Variants in GBE1 observed in about 807,000 individuals in gnomAD.
GBE1 encodes the protein 1,4-alpha-glucan-branching enzyme.
GBE1 carries 70 observed loss-of-function variants against 88.8 expected under a neutral mutation model. The observed-to-expected ratio is 0.79, with a 90% CI of 0.65 to 0.96. The LOEUF (loss-of-function observed/expected upper bound fraction) is 0.96, where lower values mean the gene tolerates loss of function less well. GBE1 is among the 40% of genes least tolerant of loss of function. The pLI is 0.00. For missense variants in GBE1, 872 were observed against 871.0 expected, an observed-to-expected ratio of 1.00 and a Z score of -0.01; for synonymous variants, 284 against 300.1, an observed-to-expected ratio of 0.95 and a Z score of 0.56.
intron 7 of GBE1, among the ~76,000 whole-genome samples, chr3:81,637,277 A>G (rs1704604661): frequency 6.6e-6 from 1 of 152,190 alleles, no homozygotes; most frequent in South Asian, 2.1e-4. Flanking sequence ...GTGACATAGC[A>G]TTAGGCTACT....
intron 3 of GBE1, among the ~76,000 whole-genome samples, chr3:81,658,376 A>G (rs1200327250): frequency 1.3e-5 from 2 of 152,178 alleles, no homozygotes; most frequent in East Asian, 3.8e-4. Context: ...TTGAGGTATA[A>G]TACACATAGC....
intron 7 of GBE1, among the ~76,000 whole-genome samples, chr3:81,636,801 A>AT (rs1009320767): frequency 1.3e-5 from 2 of 152,126 alleles, no homozygotes; most frequent in Non-Finnish European, 2.9e-5. Context: ...AAATGCCGGG[A>AT]TTACAGGTGT....
At chr3:81,508,546 T>TA (rs1430674235) in intron 14 of GBE1, among the ~76,000 whole-genome samples, 17 of 152,160 alleles carry the variant, frequency 1.1e-4, no homozygotes, top group African/African-American at 4.1e-4. Context: ...AACACTTTTT[T>TA]TAAAAAAAAT....
intron 1 of GBE1, among the ~76,000 whole-genome samples, chr3:81,734,316 G>A (rs1240451335): frequency 6.6e-6 from 1 of 152,080 alleles, no homozygotes; most frequent in African/African-American, 2.4e-5. Flanking sequence ...TATTTTAGAG[G>A]TCTGATACTG....
At chr3:81,758,503 C>A (rs1029210005) in intron 1 of GBE1, among the ~76,000 whole-genome samples, 3 of 152,232 alleles carry the variant, frequency 2.0e-5, no homozygotes, top group Non-Finnish European at 4.4e-5. Context: ...ACAAATCCTT[C>A]ATAAGCCTAG....
At chr3:81,610,215 A>G (rs2106988269) in intron 7 of GBE1, among the ~76,000 whole-genome samples, 2 of 152,130 alleles carry the variant, frequency 1.3e-5, no homozygotes, top group Middle Eastern at 3.4e-3. Context: ...TAAGTCAGCA[A>G]CTCTCCCTAT....
chr3:81,584,438 C>T (rs1703771727), intron 10 of GBE1, among the ~76,000 whole-genome samples: 1 of 151,866 alleles, frequency 6.6e-6, no homozygotes, highest in Admixed American at 6.6e-5. Context: ...TTAAATGCAC[C>T]AGTTACAAAA....
chr3:81,616,945 C>T (rs1356321237), intron 7 of GBE1, among the ~76,000 whole-genome samples: 6 of 151,712 alleles, frequency 4.0e-5, no homozygotes, highest in African/African-American at 7.3e-5. Flanking sequence ...AAGAGAGAAA[C>T]AACTTCAAGG....
At chr3:81,698,357 C>T (rs1310539254) in intron 2 of GBE1, among the ~76,000 whole-genome samples, 2 of 151,792 alleles carry the variant, frequency 1.3e-5, no homozygotes, top group African/African-American at 4.8e-5. Context: ...AAGTTTGGGC[C>T]CTCTGATAAG....
At chr3:81,542,134 G>C (rs2106879753) in intron 12 of GBE1, among the ~76,000 whole-genome samples, 2 of 152,002 alleles carry the variant, frequency 1.3e-5, no homozygotes, top group East Asian at 3.9e-4. Context: ...CCTACAACTT[G>C]TTTTTGAACA....
intron 6 of GBE1, among the ~76,000 whole-genome samples, chr3:81,643,939 C>T (rs910565795): frequency 2.6e-5 from 4 of 152,194 alleles, no homozygotes; most frequent in Non-Finnish European, 5.9e-5. Flanking sequence ...CTGGCTCTTT[C>T]CAATAATGCT....
intron 14 of GBE1, among the ~76,000 whole-genome samples, chr3:81,529,813 T>A (rs1038958934): frequency 6.6e-6 from 1 of 152,140 alleles, no homozygotes; most frequent in East Asian, 1.9e-4. Flanking sequence ...AAAATCTGCA[T>A]TGTGTTCTAC....
chr3:81,652,961 C>T (rs1342633971), intron 3 of GBE1, among the ~76,000 whole-genome samples: 1 of 152,132 alleles, frequency 6.6e-6, no homozygotes, highest in Non-Finnish European at 1.5e-5. Context: ...TGTCATTTAA[C>T]TCACAACCTC....
intron 7 of GBE1, among the ~76,000 whole-genome samples, chr3:81,614,093 C>T (rs777514646): frequency 6.6e-5 from 10 of 152,086 alleles, no homozygotes; most frequent in Non-Finnish European, 1.0e-4. Flanking sequence ...TGGCTCACTG[C>T]AGCCTGAAAC....
chr3:81,629,698 T>C (rs1042840045), intron 7 of GBE1, among the ~76,000 whole-genome samples: 3 of 152,064 alleles, frequency 2.0e-5, no homozygotes, highest in African/African-American at 7.2e-5. Flanking sequence ...GGATGTTTAA[T>C]TGTATTTTTT....
chr3:81,613,170 G>C, intron 7 of GBE1: 1 of 244,026 alleles, frequency 4.1e-6, no homozygotes, highest in Non-Finnish European at 7.4e-6. Context: ...TTTTAATCTT[G>C]TCCTCAGTCA....
intron 7 of GBE1, among the ~76,000 whole-genome samples, chr3:81,620,625 C>T (rs542910624): frequency 1.2e-3 from 176 of 152,140 alleles, no homozygotes; most frequent in Non-Finnish European, 2.1e-3. Context: ...AGGCAAGTCG[C>T]TGAAATGACG....
In GBE1 at chr3:81,648,978, C is replaced by A; in HGVS notation, c.569G>T (p.Arg190Ile). ...TCTTAGACTCCGTGGCTTCTTTGGT[C>A]TGGAATGCTTAAACTACAGAATATA... ...PEHSYEFKHS[R>I]PKKPRSLRIY... Residue 190 changes from arginine (R) to isoleucine (I), a missense_variant, in exon 5 of 16, where the codon AGA (arginine) becomes ATA (isoleucine). Physicochemically the swap from Arg to Ile is moderately conservative, Grantham distance 97 (BLOSUM62 -3). Coordinates refer to ENST00000429644, the MANE Select transcript of GBE1 (RefSeq NM_000158.4). The A allele has an allele frequency of 6.3e-7, 1 of 1,583,586 alleles. No homozygotes were observed. The highest frequency in any genetic ancestry group is 1.2e-5 in the South Asian group (1 of 85,532).
At chr3:81,494,447 A>G (rs1446187414) in intron 15 of GBE1, among the ~76,000 whole-genome samples, 5 of 152,218 alleles carry the variant, frequency 3.3e-5, no homozygotes, top group Non-Finnish European at 2.9e-5. Context: ...GAAAAGAAAC[A>G]TGAACACATT....
Sources: allele counts gnomAD v4.1 joint callset (sites outside exome capture counted in the v4.1 genomes callset), GRCh38; gene constraint gnomAD v4.1.1; transcripts MANE v1.5; gene names NCBI Gene and HGNC (gene_info 2026-07-23, HGNC 2026-07-21).